The following SHISA5 variants were observed in gnomAD, a reference collection of about 807,000 sequenced individuals.
SHISA5 encodes shisa family member 5, also known as protein shisa-5.
In SHISA5, 21 loss-of-function variants were observed where a neutral mutation model predicts 27.5. That is an observed-to-expected ratio of 0.76 (90% CI 0.54 to 1.10). SHISA5 has a LOEUF of 1.10. SHISA5 is among the 50% of genes least tolerant of loss of function. The pLI, the probability that SHISA5 is intolerant of heterozygous loss-of-function variation, is 0.00. For missense variants in SHISA5, 314 were observed against 336.3 expected (o/e 0.93, Z 0.52); for synonymous variants, 137 against 142.2 (o/e 0.96, Z 0.26).
intron 3 of SHISA5, among the ~76,000 whole-genome samples, chr3:48,472,332 C>CA (rs201417269): frequency 1.4e-3 from 202 of 144,006 alleles, no homozygotes; most frequent in South Asian, 2.4e-3. Context: ...TACTAAAATA[C>CA]AAAAAAAAAA....
chr3:48,479,966 C>G (rs904506894), intron 2 of SHISA5, among the ~76,000 whole-genome samples: 29 of 150,500 alleles, frequency 1.9e-4, no homozygotes, highest in African/African-American at 6.4e-4. Context: ...TGCGGTGGCG[C>G]GATCTCGGCT....
rs111358469 is a variant in SHISA5 at position 48,501,190 on chromosome 3, G to A, written c.180C>T (p.Asp60=). 6.6e-5 allele frequency: 107 copies of A among 1,614,106 alleles called. 3 individuals are homozygous for A. Among genetic ancestry groups the A allele is most frequent in the African/African-American group, 6.3e-4 (47 of 75,036 alleles). Residue 60 remains aspartate (D), a synonymous_variant, in exon 2 of 6, where the codon GAC becomes GAT. Coordinates refer to ENST00000296444, the MANE Select transcript of SHISA5 (RefSeq NM_016479.6). ...GTCDDQYCCS[D]VLKKFVWSEE... Reference sequence around the variant, plus strand: ...CGCTCCACACAAATTTCTTCAGCACGTCAGAGCAGCAGTATTGGTCATCAC... The same window carrying A: ...CGCTCCACACAAATTTCTTCAGCACATCAGAGCAGCAGTATTGGTCATCAC...
At chr3:48,481,743 T>C (rs1397021022) in intron 2 of SHISA5, among the ~76,000 whole-genome samples, 1 of 151,258 alleles carries the variant, frequency 6.6e-6, no homozygotes, top group African/African-American at 2.4e-5. Flanking sequence ...GCCAAGATCA[T>C]GCCATTGCAC....
intron 3 of SHISA5, chr3:48,477,051 C>T (rs966944918): frequency 2.9e-5 from 13 of 451,388 alleles, no homozygotes; most frequent in African/African-American, 2.6e-4. Context: ...CCTCTGGGAG[C>T]TTGTTCCGCA....
At chr3:48,482,956 C>T (rs2041071108) in intron 2 of SHISA5, among the ~76,000 whole-genome samples, 1 of 151,990 alleles carries the variant, frequency 6.6e-6, no homozygotes, top group Non-Finnish European at 1.5e-5. Flanking sequence ...CACAGGGTCT[C>T]ATCTGTCACC....
chr3:48,496,457 G>T (rs182699903), intron 2 of SHISA5, among the ~76,000 whole-genome samples: 11 of 152,138 alleles, frequency 7.2e-5, no homozygotes, highest in Admixed American at 2.0e-4. Flanking sequence ...TTAGCCAGGC[G>T]TGGTGGCAGG....
chr3:48,487,619 G>GCGCAGTGGCTCACATCTGTAATC (rs2041289982), intron 2 of SHISA5, among the ~76,000 whole-genome samples: 1 of 152,134 alleles, frequency 6.6e-6, no homozygotes, highest in Non-Finnish European at 1.5e-5. Context: ...TACCAGCTGG[G>GCGCAGTGGCTCACATCTGTAATC]CGCAGTGGCT....
At chr3:48,503,583 A>C (rs7434077) in intron 1 of SHISA5, 50,118 of 483,436 alleles carry the variant, frequency 0.1, 6,898 homozygotes, top group African/African-American at 0.49. Flanking sequence ...GCCGGGCTCT[A>C]CAGGAACACA....
At chr3:48,497,262 G>GTTT (rs771239815) in intron 2 of SHISA5, among the ~76,000 whole-genome samples, 7,627 of 116,488 alleles carry the variant, frequency 0.065, 672 homozygotes, top group African/African-American at 0.17. Context: ...TCCAGAACAA[G>GTTT]TTTTTTTTTT....
chr3:48,482,098 CAA>C (rs60857818), intron 2 of SHISA5, among the ~76,000 whole-genome samples: 8 of 64,764 alleles, frequency 1.2e-4, no homozygotes, highest in Admixed American at 3.1e-4. Context: ...GACTCTGTCT[CAA>C]AAAAAAAAAA....
At chr3:48,480,520 G>A (rs992117003) in intron 2 of SHISA5, among the ~76,000 whole-genome samples, 1 of 152,094 alleles carries the variant, frequency 6.6e-6, no homozygotes, top group Non-Finnish European at 1.5e-5. Context: ...CAAGAAATGG[G>A]GGGGCCGAGG....
chr3:48,499,993 G>A (rs1483151413), intron 2 of SHISA5, among the ~76,000 whole-genome samples: 1 of 151,612 alleles, frequency 6.6e-6, no homozygotes, highest in Non-Finnish European at 1.5e-5. Flanking sequence ...AGAGCACCTG[G>A]AAGTCCTTAG....
At chr3:48,494,506 G>A (rs2041499669) in intron 2 of SHISA5, among the ~76,000 whole-genome samples, 2 of 146,832 alleles carry the variant, frequency 1.4e-5, no homozygotes. Context: ...TGTTGGCCAG[G>A]ATGGTCTCGA....
In SHISA5 at chr3:48,503,860, G is replaced by A; in HGVS notation, c.76+159C>T. The A allele has an allele frequency of 4.6e-6, 6 of 1,307,264 alleles. No homozygotes were observed. In the South Asian group the frequency reaches 1.2e-4, roughly 27 times the overall value. 81.0% of individuals were successfully genotyped at this position (1,307,264 alleles called of 1,614,324 possible). ...GCAAGGAGGGTGCTGGGGTGGAGGA[G>A]GGGTCCGCAGTCGTGGGGGTTCGCT... On this transcript the variant is annotated intron_variant, in intron 1 of 5. Coordinates refer to ENST00000296444, the MANE Select transcript of SHISA5 (RefSeq NM_016479.6).
intron 2 of SHISA5, among the ~76,000 whole-genome samples, chr3:48,487,432 T>C (rs1417789835): frequency 2.0e-5 from 3 of 152,216 alleles, no homozygotes; most frequent in Non-Finnish European, 4.4e-5. Flanking sequence ...AATACACAGT[T>C]TGTATGTTTT....
At chr3:48,484,036 G>T (rs1432181507) in intron 2 of SHISA5, among the ~76,000 whole-genome samples, 2 of 152,150 alleles carry the variant, frequency 1.3e-5, no homozygotes, top group Admixed American at 1.3e-4. Context: ...TATTTAAGAA[G>T]AACTTTTTAT....
chr3:48,479,257 G>T lies in SHISA5; in HGVS notation c.234C>A (p.Ser78Arg). Residue 78 changes from serine (S) to arginine (R), a missense_variant and splice_region_variant, in exon 3 of 6, where the codon AGC becomes AGA. Physicochemically the swap from Ser to Arg is moderately radical, Grantham distance 110. Transcript: ENST00000296444. ...SEERCAVPEA[S>R]VPASVEPVEQ... ...CCACCGGCTCTACACTGGCAGGCAC[G>T]CTGCAAACAGGAAACCTTGTGATTA... The T allele has an allele frequency of 1.2e-6, 2 of 1,604,840 alleles. No homozygotes were observed. The highest frequency in any genetic ancestry group is 1.7e-6 in the Non-Finnish European group (2 of 1,177,996).
chr3:48,472,132 G>A (rs2040652318), intron 3 of SHISA5, among the ~76,000 whole-genome samples: 1 of 151,908 alleles, frequency 6.6e-6, no homozygotes, highest in Non-Finnish European at 1.5e-5. Flanking sequence ...AGTGAGCTAA[G>A]ATTGTGCCAC....
chr3:48,501,887 G>A (rs2041768022), intron 1 of SHISA5, among the ~76,000 whole-genome samples: 1 of 143,634 alleles, frequency 7.0e-6, no homozygotes, highest in Non-Finnish European at 1.5e-5. Context: ...TTGAGACAGA[G>A]TCTCACTCTG....
Sources: allele counts gnomAD v4.1 joint callset (sites outside exome capture counted in the v4.1 genomes callset), GRCh38; gene constraint gnomAD v4.1.1; transcripts MANE v1.5; gene names NCBI Gene and HGNC (gene_info 2026-07-23, HGNC 2026-07-21).